Variants in INTS1 observed in about 807,000 individuals in gnomAD.
The protein encoded by INTS1 is integrator complex subunit 1.
INTS1 carries 137 observed loss-of-function variants against 241.6 expected under a neutral mutation model. The ratio of observed to expected loss-of-function variants is 0.57; its 90% CI spans 0.49 to 0.65. The LOEUF is 0.65. Ranked by LOEUF, INTS1 falls within the 30% of genes least tolerant of loss-of-function variation. INTS1 has a pLI of 0.00. For synonymous variants in INTS1, 1,692 were observed against 1,337.8 expected (o/e 1.26, Z -5.78); for missense variants, 3,073 against 3,032.2 (o/e 1.01, Z -0.32).
At position 1,473,589 on chromosome 7, in the gene INTS1, C is replaced by T. The variant is rs1221191072; in HGVS notation, c.5934G>A (p.Leu1978=). The stretch of plus-strand genomic sequence containing the variant: ...ACTGGAGCGGGTCGGCGTGCTTCTG[C>T]AGGAAGGAGATGGCTGCTGGGGCAT... ...TYNAPAAISF[L]QKHADPLHDL... is the part of the protein sequence containing the mutation. Residue 1978 remains leucine (L), a synonymous_variant, in exon 42 of 48, where the codon CTG becomes CTA. Coordinates refer to ENST00000404767, the MANE Select transcript of INTS1 (RefSeq NM_001080453.3). 6.2e-7 allele frequency: 1 copy of T among 1,605,318 alleles called. No individual in the cohort carries two copies. Among genetic ancestry groups the T allele is most frequent in the Non-Finnish European group, 8.5e-7 (1 of 1,176,268 alleles).
At chr7:1,490,571 G>A (rs1237825767) in intron 16 of INTS1, among the ~76,000 whole-genome samples, 1 of 152,186 alleles carries the variant, frequency 6.6e-6, no homozygotes, top group African/African-American at 2.4e-5. Flanking sequence ...CCCCTGAAAG[G>A]GTGTCAGCTC....
In INTS1 at chr7:1,473,377, T is replaced by C. The variant is rs192929898; in HGVS notation, c.5957+189A>G. ...ACAGAGAGCCAGAGAGCTGCAGGGG[T>C]GGGTTCAGACGGCTTCGGCACAGGG... is the stretch of plus-strand genomic sequence containing the variant. On this transcript the variant is annotated intron_variant, in intron 42 of 47. Transcript: ENST00000404767. 1.1e-4 allele frequency among the ~76,000 whole-genome samples: 17 copies of C among 151,654 alleles called. No individual in the cohort carries two copies. The East Asian group carries it at 2.5e-3, about 23-fold the overall frequency.
chr7:1,485,676 G>C, intron 22 of INTS1: 2 of 599,832 alleles, frequency 3.3e-6, no homozygotes, highest in Non-Finnish European at 5.8e-6. Flanking sequence ...AGCCACTCTG[G>C]ACCCTCCCGT....
Position 1,487,073 on chromosome 7 carries a change from G to A in INTS1, c.2675C>T (p.Ala892Val), listed in dbSNP as rs775996235. The A allele has an allele frequency of 1.1e-5, 17 of 1,555,218 alleles. No homozygotes were observed. The highest frequency in any genetic ancestry group is 4.8e-5 in the East Asian group (2 of 41,828). Residue 892 changes from alanine (A) to valine (V), a missense_variant, in exon 21 of 48, where the codon GCG becomes GTG. Physicochemically the swap from Ala to Val is moderately conservative, Grantham distance 64. Transcript: ENST00000404767. ...QASSQSMPWL[A>V]DLVQSSEGSL... ...GCCCTCGCTGGACTGTACCAGGTCC[G>A]CCAGCCAGGGCATGGACTGCGAGGA...
At position 1,484,060 on chromosome 7, in the gene INTS1, G is replaced by A; in HGVS notation, c.3372C>T (p.Phe1124=). ...DAVLSALLSI[F]SRYVRRMRQS... is the part of the protein sequence containing the mutation. ...GCCGCATGCGCCTCACGTAGCGTGAGAAGATGGACAACAGAGCGCTCAGCA... is the reference window on the plus strand; with the variant it reads ...GCCGCATGCGCCTCACGTAGCGTGAAAAGATGGACAACAGAGCGCTCAGCA... The change falls in exon 25 of 48, where the codon TTC becomes TTT. Residue 1124 remains phenylalanine, a synonymous_variant. Coordinates refer to ENST00000404767, the MANE Select transcript of INTS1 (RefSeq NM_001080453.3). 6.2e-7 allele frequency: 1 copy of A among 1,612,506 alleles called. No individual in the cohort carries two copies. Among genetic ancestry groups the A allele is most frequent in the Non-Finnish European group, 8.5e-7 (1 of 1,179,736 alleles).
intron 2 of INTS1, among the ~76,000 whole-genome samples, chr7:1,503,701 G>A (rs935530829): frequency 2.6e-5 from 4 of 152,202 alleles, no homozygotes; most frequent in East Asian, 1.9e-4. Flanking sequence ...GGGTCCCGAA[G>A]GAAGTCGCCA....
chr7:1,498,877 G>T (rs1328139600), intron 8 of INTS1, 25 bp from the exon 9 acceptor site: 5 of 1,579,926 alleles, frequency 3.2e-6, no homozygotes, highest in Admixed American at 1.8e-5. Context: ...AGGGAGCAGT[G>T]GGCTCACGGC....
rs763334582 is a variant in INTS1, at chr7:1,503,044, G to A, written c.206C>T (p.Ser69Leu). The change falls in exon 3 of 48, where the codon TCG (serine) becomes TTG (leucine). Residue 69 changes from serine to leucine, a missense_variant. Physicochemically the swap from Ser to Leu is moderately radical, Grantham distance 145. Coordinates refer to ENST00000404767, the MANE Select transcript of INTS1 (RefSeq NM_001080453.3). The part of the protein sequence containing the change: ...RDAAAALSSA[S>L]ALTGLTKRPK... Reference sequence around the variant, plus strand: ...GCGTTTGGTGAGACCGGTGAGGGCCGAGGCACTGGACAACGCGGCCGCCGC... The same window carrying A: ...GCGTTTGGTGAGACCGGTGAGGGCCAAGGCACTGGACAACGCGGCCGCCGC... 15 of 1,613,704 alleles carry A rather than the reference G, an allele frequency of 9.3e-6. No individual in the cohort carries two copies. The highest frequency in any genetic ancestry group is 2.2e-5 in the East Asian group (1 of 44,882).
At chr7:1,472,128 C>G (rs1341590897) in intron 44 of INTS1, 145 bp downstream of exon 44, 1 of 653,874 alleles carries the variant, frequency 1.5e-6, no homozygotes, top group Non-Finnish European at 2.7e-6. Flanking sequence ...GTGCTCCCCA[C>G]TGTGAGGAAC....
rs1376467068 is a variant in INTS1 at position 1,482,698 on chromosome 7, C to A, written c.3551G>T (p.Ser1184Ile). Reference protein sequence around the residue: ...LTLGPPRADDSEFQALLDIWF... With the variant: ...LTLGPPRADDIEFQALLDIWF... ...GATGTCCAGCAGCGCCTGGAACTCG[C>A]TGTCGTCGGCTTCAGGAAGGACAAC... is the stretch of plus-strand genomic sequence containing the variant. Residue 1184 changes from serine (S) to isoleucine (I), a missense_variant, in exon 27 of 48, where the codon AGC (serine) becomes ATC (isoleucine). Transcript: ENST00000404767. 6.2e-7 allele frequency: 1 copy of A among 1,612,572 alleles called. No homozygotes were observed. The highest frequency in any genetic ancestry group is 8.5e-7 in the Non-Finnish European group (1 of 1,179,752).
intron 11 of INTS1, among the ~76,000 whole-genome samples, chr7:1,496,875 TG>T (rs1211582006): frequency 6.6e-6 from 1 of 151,832 alleles, no homozygotes; most frequent in East Asian, 1.9e-4. Flanking sequence ...GTGCTCCCCT[TG>T]CTGCCGGCAG....
intron 42 of INTS1, 53 bp downstream of exon 42, chr7:1,473,513 C>G: frequency 6.5e-7 from 1 of 1,548,964 alleles, no homozygotes; most frequent in Admixed American, 2.0e-5. Context: ...CTCCAGACCC[C>G]GCTGGACCCT....
rs762688467 is a variant in INTS1, at chr7:1,495,448, T to C, written c.1817A>G (p.Lys606Arg). 34 of 1,612,114 alleles carry C rather than the reference T, an allele frequency of 2.1e-5. No individual in the cohort carries two copies. Among genetic ancestry groups the C allele is most frequent in the East Asian group, 2.2e-5 (1 of 44,870 alleles). ...CCAGCCGCACCAGTGCACGTAGTCC[T>C]TAGGGGCGAGCTTGCTGATGGAGGG... is the stretch of plus-strand genomic sequence containing the variant. ...VVPSISKLAP[K>R]DYVHCLHKVL... is the part of the protein sequence containing the mutation. Residue 606 changes from lysine (K) to arginine (R), a missense_variant, in exon 13 of 48, where the codon AAG becomes AGG. Lys to Arg is a conservative substitution (Grantham distance 26). Transcript: ENST00000404767.
chr7:1,482,857 G>T, intron 26 of INTS1, 150 bp from the exon 27 acceptor site: 1 of 863,586 alleles, frequency 1.2e-6, no homozygotes, highest in Non-Finnish European at 1.8e-6. Flanking sequence ...GTGAGCACTT[G>T]CTATGTGCGG....
chr7:1,502,185 C>G (rs1783216513), intron 3 of INTS1, among the ~76,000 whole-genome samples: 1 of 152,100 alleles, frequency 6.6e-6, no homozygotes, highest in Non-Finnish European at 1.5e-5. Context: ...TTCTTTTTGA[C>G]TCCTACAAAG....
chr7:1,476,839 A>G lies in INTS1; in HGVS notation c.5018T>C (p.Leu1673Pro). The G allele has an allele frequency of 6.2e-7, 1 of 1,612,968 alleles. No homozygotes were observed. The highest frequency in any genetic ancestry group is 8.5e-7 in the Non-Finnish European group (1 of 1,179,834). Residue 1673 changes from leucine to proline, a missense_variant, in exon 36 of 48, where the codon CTG becomes CCG. Transcript: ENST00000404767. ...LFTHQSSWPTLHQCIRVLLGK... is the reference protein window; with the variant it reads ...LFTHQSSWPTPHQCIRVLLGK... ...CAGCAGGACTCGGATGCACTGGTGCAGTGTGGGCCAGCTGGACTGATGCGT... is the reference window on the plus strand; with the variant it reads ...CAGCAGGACTCGGATGCACTGGTGCGGTGTGGGCCAGCTGGACTGATGCGT...
At position 1,470,331 on chromosome 7, in the gene INTS1, GCCGCT is replaced by G; in HGVS notation, c.*241_*245del. The G allele has an allele frequency of 6.4e-6, 3 of 470,264 alleles. No individual in the cohort carries two copies. The highest frequency in any genetic ancestry group is 1.1e-5 in the Non-Finnish European group (3 of 267,664). The allele number at this position is 470,264 out of a possible 1,614,324, so 29.1% of individuals were successfully genotyped here. On this transcript the variant is annotated 3_prime_UTR_variant, in exon 48 of 48. Transcript: ENST00000404767. ...GCCCAGGCCATGCCCGGGGGGATCC[GCCGCT>G]CCGCGGCAGGGCTGTGGCCCAGAAG...
rs779994100 is a variant in INTS1 at position 1,502,948 on chromosome 7, C to T, written c.302G>A (p.Arg101Gln). ...RLAEAAVAEK[R>Q]AISPSIKEPS... ...CTCTTTAATCGACGGAGAAATGGCT[C>T]GTTTTTCTGCCACTGCAGCCTCAGC... The change falls in exon 3 of 48, where the codon CGA (arginine) becomes CAA (glutamine). Residue 101 changes from arginine (R) to glutamine (Q), a missense_variant. Arg to Gln is a conservative substitution (Grantham distance 43). Coordinates refer to ENST00000404767, the MANE Select transcript of INTS1 (RefSeq NM_001080453.3). 1.2e-6 allele frequency: 2 copies of T among 1,613,776 alleles called. No individual in the cohort carries two copies. The highest frequency in any genetic ancestry group is 1.1e-5 in the South Asian group (1 of 91,078).
At chr7:1,489,532 C>T (rs1782448044) in intron 17 of INTS1, 59 bp downstream of exon 17, 1 of 1,526,248 alleles carries the variant, frequency 6.6e-7, no homozygotes, top group South Asian at 1.2e-5. Context: ...CAAACTGCCC[C>T]AAAGGAATAA....
Sources: allele counts gnomAD v4.1 joint callset (sites outside exome capture counted in the v4.1 genomes callset), GRCh38; gene constraint gnomAD v4.1.1; transcripts MANE v1.5; gene names NCBI Gene and HGNC (gene_info 2026-07-23, HGNC 2026-07-21).